MYCT1: variants seen among roughly 807,000 people sequenced by gnomAD.
The protein encoded by MYCT1 is MYC target 1, also known as myc target protein 1.
Under a neutral mutation model 15.0 loss-of-function variants are expected in MYCT1, and 12 were observed. The ratio of observed to expected loss-of-function variants is 0.80; its 90% confidence interval spans 0.51 to 1.29. The LOEUF is 1.29. Among genes scored for constraint, MYCT1 ranks in the 50% most tolerant of loss-of-function variants. MYCT1 has a pLI of 0.00. For missense variants in MYCT1, 287 were observed against 279.1 expected (o/e 1.03, Z -0.20); for synonymous variants, 104 against 102.7 (o/e 1.01, Z -0.07).
the MYCT1 span, among the ~76,000 whole-genome samples, chr6:152,743,402 T>C: frequency 6.6e-6 from 1 of 152,176 alleles, no homozygotes; most frequent in African/African-American, 2.4e-5. Flanking sequence ...CTAAAGGCAC[T>C]GCAGCCACAG....
chr6:152,700,557 G>A (rs1341714399), intron 1 of MYCT1, among the ~76,000 whole-genome samples: 1 of 152,130 alleles, frequency 6.6e-6, no homozygotes, highest in Non-Finnish European at 1.5e-5. Flanking sequence ...AAGCATTTAA[G>A]TGCAAGGGTT....
chr6:152,719,088 G>A (rs2099724242), intron 1 of MYCT1, among the ~76,000 whole-genome samples: 2 of 151,900 alleles, frequency 1.3e-5, no homozygotes, highest in South Asian at 2.1e-4. Context: ...TATAAAATGA[G>A]GAATTTATGT....
downstream of MYCT1, among the ~76,000 whole-genome samples, chr6:152,726,976 G>A (rs1031885824): frequency 6.6e-6 from 1 of 152,078 alleles, no homozygotes. Context: ...GCTCATGCCT[G>A]TAATCCCAGC....
chr6:152,743,614 C>G, the MYCT1 span, among the ~76,000 whole-genome samples: 4 of 152,300 alleles, frequency 2.6e-5, no homozygotes, highest in Admixed American at 1.3e-4. Context: ...ATGCCCCACT[C>G]CCCACTCTCC....
Position 152,697,964 on chromosome 6 carries a change from GAGAT to G in MYCT1, c.66_69del (p.Asp22GlufsTer34), listed in dbSNP as rs3841162. ...TATTTTTCTCTTGCTGTACTACAAA[GAGAT>G]AGAATCAAACTGCTTTTTTTCGACA... On this transcript the variant is annotated frameshift_variant, in exon 1 of 2. Transcript: ENST00000367245. LOFTEE classifies it high-confidence loss of function. The G allele has an allele frequency of 0.038, 61,247 of 1,605,920 alleles. 1,955 individuals are homozygous for G. Among genetic ancestry groups the G allele is most frequent in the East Asian group, 0.15 (6,707 of 44,316 alleles).
At chr6:152,740,250 A>G in the MYCT1 span, among the ~76,000 whole-genome samples, 5 of 152,076 alleles carry the variant, frequency 3.3e-5, no homozygotes, top group African/African-American at 4.8e-5. Context: ...GGGTTTCTCC[A>G]TGTTGGTCAG....
the MYCT1 span, among the ~76,000 whole-genome samples, chr6:152,740,242 G>A: frequency 2.6e-5 from 4 of 152,016 alleles, no homozygotes; most frequent in East Asian, 7.7e-4. Context: ...TAGAGACGGG[G>A]TTTCTCCATG....
intron 1 of MYCT1, chr6:152,705,944 G>T: frequency 1.3e-6 from 1 of 773,856 alleles, no homozygotes; most frequent in South Asian, 1.3e-5. Flanking sequence ...TTGTGAATAT[G>T]GTGGAAAAAG....
At chr6:152,746,365 G>C in the MYCT1 span, among the ~76,000 whole-genome samples, 1 of 152,196 alleles carries the variant, frequency 6.6e-6, no homozygotes, top group Non-Finnish European at 1.5e-5. Flanking sequence ...AGGTAGCATA[G>C]ACAGCACAGA....
Position 152,722,780 on chromosome 6 carries a change from C to A in MYCT1, c.*527C>A, listed in dbSNP as rs1255006999. On this transcript the variant is annotated 3_prime_UTR_variant, in exon 2 of 2. Transcript: ENST00000367245. The stretch of plus-strand genomic sequence containing the variant: ...TGAGACAGGGTCTTGATCCGTCGCC[C>A]AGGCGGGAGTTGCAGTAGCATGATC... 9.8e-6 allele frequency: 4 copies of A among 409,586 alleles called. No individual in the cohort carries two copies. The highest frequency in any genetic ancestry group is 1.9e-5 in the Non-Finnish European group (4 of 206,508). 25.4% of individuals were successfully genotyped at this position (409,586 alleles called of 1,614,324 possible).
chr6:152,741,219 C>G, the MYCT1 span, among the ~76,000 whole-genome samples: 2 of 150,138 alleles, frequency 1.3e-5, no homozygotes, highest in African/African-American at 2.5e-5. Context: ...CTAAATAGAA[C>G]CCCCTTTGCT....
intron 1 of MYCT1, chr6:152,706,110 G>A: frequency 6.5e-7 from 1 of 1,530,610 alleles, no homozygotes; most frequent in Non-Finnish European, 9.0e-7. Context: ...GAGGTGGTAT[G>A]AGAGGTGGCA....
chr6:152,728,167 A>G (rs976586497), downstream of MYCT1, among the ~76,000 whole-genome samples: 37 of 150,086 alleles, frequency 2.5e-4, no homozygotes, highest in Non-Finnish European at 2.5e-4. Context: ...CTGTCTGGAA[A>G]AAAAAAAAAA....
chr6:152,736,679 T>G, the MYCT1 span, among the ~76,000 whole-genome samples: 2 of 152,108 alleles, frequency 1.3e-5, no homozygotes, highest in Non-Finnish European at 2.9e-5. Context: ...GCACATCCAT[T>G]ATTAATACAC....
chr6:152,724,229 G>A lies in MYCT1; in HGVS notation c.*1976G>A, dbSNP rs1370651768. The stretch of plus-strand genomic sequence containing the variant: ...AAGGGAATATTAACTTGGTATCAGG[G>A]CTACTTTTTTTTTTTTTTTTTTACT... On this transcript the variant is annotated 3_prime_UTR_variant, in exon 2 of 2. Coordinates refer to ENST00000367245, the MANE Select transcript of MYCT1 (RefSeq NM_025107.3). 1 of 145,012 alleles carries A rather than the reference G, an allele frequency of 6.9e-6. No homozygotes were observed. The highest frequency in any genetic ancestry group is 7.0e-5 in the Admixed American group (1 of 14,284). 9.0% of individuals were successfully genotyped at this position (145,012 alleles called of 1,614,324 possible). A position where few individuals can be genotyped will look rare whatever the true frequency, so the allele number is the denominator to read the frequency against.
intron 1 of MYCT1, among the ~76,000 whole-genome samples, chr6:152,713,798 A>G (rs894677110): frequency 6.6e-6 from 1 of 152,068 alleles, no homozygotes; most frequent in Non-Finnish European, 1.5e-5. Flanking sequence ...TGTTTCCACA[A>G]TCTCTGTCCT....
At chr6:152,701,367 G>C (rs961038042) in intron 1 of MYCT1, among the ~76,000 whole-genome samples, 7 of 152,236 alleles carry the variant, frequency 4.6e-5, no homozygotes, top group African/African-American at 1.7e-4. Context: ...TGTTTGTGGA[G>C]AAAAGAACGT....
chr6:152,719,993 A>G (rs542049005), intron 1 of MYCT1, among the ~76,000 whole-genome samples: 7 of 152,286 alleles, frequency 4.6e-5, no homozygotes, highest in African/African-American at 1.7e-4. Context: ...TAAACTAATA[A>G]TAATTTGCTT....
rs753309687 is a variant in MYCT1, at chr6:152,698,025, TC to T, written c.124del (p.Leu42PhefsTer15). On this transcript the variant is annotated frameshift_variant, in exon 1 of 2. Transcript: ENST00000367245. LOFTEE classifies it high-confidence loss of function. ...TTTTTCTTTCTGTTTTTCTTCTCTT[TC>T]TTCTATTTCTTGTGGATATTATGGC... ...LVFLSVFLLF[L>X]LFLVDIMANN... 8.1e-6 allele frequency: 13 copies of T among 1,611,190 alleles called. No individual in the cohort carries two copies. The highest frequency in any genetic ancestry group is 1.7e-5 in the Admixed American group (1 of 59,506).
Sources: allele counts gnomAD v4.1 joint callset (sites outside exome capture counted in the v4.1 genomes callset), GRCh38; gene constraint gnomAD v4.1.1; transcripts MANE v1.5; gene names NCBI Gene and HGNC (gene_info 2026-07-23, HGNC 2026-07-21).